Variants in TENM2 observed in about 807,000 individuals in gnomAD.
TENM2 encodes teneurin-2.
TENM2 carries 52 observed loss-of-function variants against 245.2 expected under a neutral mutation model. The observed-to-expected ratio is 0.21, with a 90% CI of 0.17 to 0.27. The LOEUF is 0.27. TENM2 is among the 10% of genes least tolerant of loss of function. The pLI, the probability that TENM2 is intolerant of heterozygous loss-of-function variation, is 1.00. For synonymous variants in TENM2, 1,363 were observed against 1,438.9 expected (o/e 0.95, Z 1.19); for missense variants, 3,046 against 3,666.8 (o/e 0.83, Z 4.37).
chr5:167,048,465 A>C, the TENM2 span, among the ~76,000 whole-genome samples: 1 of 152,192 alleles, frequency 6.6e-6, no homozygotes, highest in Non-Finnish European at 1.5e-5. Context: ...AATGTGTAAG[A>C]GATTTGGTCA....
the TENM2 span, among the ~76,000 whole-genome samples, chr5:167,229,807 G>A: frequency 3.3e-5 from 5 of 152,216 alleles, no homozygotes; most frequent in Non-Finnish European, 5.9e-5. Flanking sequence ...GGCTGTCAGG[G>A]AATGCTCACG....
intron 2 of TENM2, among the ~76,000 whole-genome samples, chr5:167,771,140 T>C (rs1391536722): frequency 1.3e-5 from 2 of 152,076 alleles, no homozygotes; most frequent in Admixed American, 1.3e-4. Context: ...GGTCACTCTC[T>C]CTCTCTCTCT....
chr5:167,837,087 C>T (rs924915271), intron 2 of TENM2, among the ~76,000 whole-genome samples: 2 of 151,956 alleles, frequency 1.3e-5, no homozygotes, highest in African/African-American at 4.8e-5. Flanking sequence ...CACACACACA[C>T]ACACACACAC....
At chr5:167,386,009 A>G (rs1761414437) in intron 2 of TENM2, among the ~76,000 whole-genome samples, 4 of 151,890 alleles carry the variant, frequency 2.6e-5, no homozygotes, top group Admixed American at 2.0e-4. Flanking sequence ...TATCTTTTTC[A>G]TATAATGACT....
At chr5:167,535,613 G>A (rs566124153) in intron 2 of TENM2, among the ~76,000 whole-genome samples, 2 of 152,240 alleles carry the variant, frequency 1.3e-5, no homozygotes, top group South Asian at 4.2e-4. Flanking sequence ...AGGGCTGGGG[G>A]AAACTAGCTT....
intron 3 of TENM2, among the ~76,000 whole-genome samples, chr5:167,906,620 C>T (rs1258135258): frequency 3.3e-5 from 5 of 152,158 alleles, no homozygotes; most frequent in Non-Finnish European, 7.3e-5. Context: ...ATCTTGACTC[C>T]ACATAGACCA....
At chr5:167,527,735 C>T (rs534832717) in intron 2 of TENM2, among the ~76,000 whole-genome samples, 1 of 152,182 alleles carries the variant, frequency 6.6e-6, no homozygotes, top group South Asian at 2.1e-4. Flanking sequence ...GACCATGAAT[C>T]CTTGTATTTC....
intron 3 of TENM2, among the ~76,000 whole-genome samples, chr5:167,925,222 C>T (rs1413490378): frequency 1.3e-5 from 2 of 152,178 alleles, no homozygotes; most frequent in Admixed American, 6.5e-5. Flanking sequence ...GACAACTCAA[C>T]AGCATGGATC....
chr5:167,033,679 T>A, the TENM2 span, among the ~76,000 whole-genome samples: 105 of 152,350 alleles, frequency 6.9e-4, no homozygotes, highest in East Asian at 6.6e-3. Context: ...AGAATTTTTG[T>A]TCCTAATGCT....
intron 1 of TENM2, among the ~76,000 whole-genome samples, chr5:167,333,845 A>T (rs1032886288): frequency 2.0e-5 from 3 of 152,218 alleles, no homozygotes; most frequent in African/African-American, 4.8e-5. Flanking sequence ...TAGGCTCATG[A>T]GTCCAGTGGG....
intron 2 of TENM2, among the ~76,000 whole-genome samples, chr5:167,449,429 A>G (rs759580403): frequency 1.3e-5 from 2 of 152,062 alleles, no homozygotes. Context: ...TAACGCCTCA[A>G]CAAGAGTGAA....
intron 1 of TENM2, among the ~76,000 whole-genome samples, chr5:167,305,366 T>G (rs937913594): frequency 6.6e-6 from 1 of 152,218 alleles, no homozygotes; most frequent in African/African-American, 2.4e-5. Flanking sequence ...GTTTCTCTTC[T>G]AGATCCTATA....
chr5:167,923,693 T>C (rs1243504378), intron 3 of TENM2, among the ~76,000 whole-genome samples: 1 of 152,156 alleles, frequency 6.6e-6, no homozygotes, highest in Non-Finnish European at 1.5e-5. Flanking sequence ...ACTTCCATTT[T>C]ACAAATAAGC....
At chr5:167,496,592 A>G (rs1768833860) in intron 2 of TENM2, among the ~76,000 whole-genome samples, 1 of 152,156 alleles carries the variant, frequency 6.6e-6, no homozygotes, top group Admixed American at 6.6e-5. Context: ...ATTCATGAAA[A>G]GTATACTGCA....
intron 12 of TENM2, among the ~76,000 whole-genome samples, chr5:168,131,072 T>C (rs138818615): frequency 3.3e-5 from 5 of 152,258 alleles, no homozygotes; most frequent in African/African-American, 4.8e-5. Context: ...AGCAGAACAA[T>C]TGGGCAAAAT....
At chr5:167,214,216 G>T in the TENM2 span, among the ~76,000 whole-genome samples, 22 of 152,130 alleles carry the variant, frequency 1.4e-4, no homozygotes, top group South Asian at 1.7e-3. Context: ...TACAGCATTT[G>T]CCCCATTTTC....
chr5:167,207,217 G>T, the TENM2 span, among the ~76,000 whole-genome samples: 3 of 152,140 alleles, frequency 2.0e-5, no homozygotes, highest in Non-Finnish European at 4.4e-5. Flanking sequence ...CCCATGGACT[G>T]GGAACCTTTG....
chr5:167,128,592 A>G, the TENM2 span, among the ~76,000 whole-genome samples: 1 of 151,674 alleles, frequency 6.6e-6, no homozygotes, highest in African/African-American at 2.4e-5. Context: ...TTTCACCTGA[A>G]AAGTTAATAC....
chr5:167,856,704 G>C (rs1333171118), intron 2 of TENM2, among the ~76,000 whole-genome samples: 2 of 152,174 alleles, frequency 1.3e-5, no homozygotes, highest in Non-Finnish European at 2.9e-5. Context: ...CCACGGGGCT[G>C]TGAGAGCAGT....
Sources: allele counts gnomAD v4.1 joint callset (sites outside exome capture counted in the v4.1 genomes callset), GRCh38; gene constraint gnomAD v4.1.1; transcripts MANE v1.5; gene names NCBI Gene and HGNC (gene_info 2026-07-23, HGNC 2026-07-21).